ADPGK: variants seen among roughly 807,000 people sequenced by gnomAD.
The protein encoded by ADPGK is ADP-dependent glucokinase.
Under a neutral mutation model 42.4 loss-of-function variants are expected in ADPGK, and 26 were observed. That is an observed-to-expected ratio of 0.61 (90% CI 0.45 to 0.85). The LOEUF is 0.85. Among genes scored for constraint, ADPGK ranks in the 40% least tolerant of loss-of-function variants. ADPGK has a pLI of 0.00. For synonymous variants in ADPGK, 267 were observed against 252.6 expected (o/e 1.06, Z -0.54); for missense variants, 571 against 627.0 (o/e 0.91, Z 0.95).
chr15:72,781,932 G>A (rs1382295091), intron 1 of ADPGK, among the ~76,000 whole-genome samples: 1 of 152,218 alleles, frequency 6.6e-6, no homozygotes, highest in Non-Finnish European at 1.5e-5. Flanking sequence ...CACCAGGAGT[G>A]TACATGCGCA....
chr15:72,772,835 A>C (rs1019302417), intron 2 of ADPGK, among the ~76,000 whole-genome samples: 1 of 152,198 alleles, frequency 6.6e-6, no homozygotes, highest in African/African-American at 2.4e-5. Flanking sequence ...CTGGAGAACA[A>C]ATAATTCAAG....
At position 72,774,995 on chromosome 15, in the gene ADPGK, C is replaced by T. The variant is rs1033815238; in HGVS notation, c.336G>A (p.Arg112=). The change falls in exon 2 of 7, where the codon AGG becomes AGA. Residue 112 remains arginine (R), a synonymous_variant. Transcript: ENST00000456471. The part of the protein sequence containing the change: ...NGKDHSILHS[R]NDLEEAFIHF... ...GAATGAAGGCTTCTTCCAGATCATT[C>T]CTTGAATGCAGAATGCTGTGATCTT... The T allele has an allele frequency of 2.5e-6, 4 of 1,614,176 alleles. No individual in the cohort carries two copies. The highest frequency in any genetic ancestry group is 2.5e-6 in the Non-Finnish European group (3 of 1,180,038).
At chr15:72,761,008 C>G (rs2066185977) in intron 3 of ADPGK, among the ~76,000 whole-genome samples, 1 of 152,024 alleles carries the variant, frequency 6.6e-6, no homozygotes, top group South Asian at 2.1e-4. Context: ...ATCTCTCTCC[C>G]CCCACCGCAT....
At chr15:72,755,514 C>A (rs1481358778) in intron 6 of ADPGK, 42 bp downstream of exon 6, 1 of 1,490,094 alleles carries the variant, frequency 6.7e-7, no homozygotes, top group East Asian at 2.3e-5. Flanking sequence ...CTCTGCAAGG[C>A]TCTATGAGGA....
chr15:72,778,578 A>G lies in ADPGK; in HGVS notation c.234-3481T>C, dbSNP rs541753841. 6.6e-5 allele frequency among the ~76,000 whole-genome samples: 10 copies of G among 152,308 alleles called. No individual in the cohort carries two copies. In the South Asian group the frequency reaches 1.9e-3, roughly 28 times the overall value. On this transcript the variant is annotated intron_variant, in intron 1 of 6. Transcript: ENST00000456471. ...AACAACTAGAAAATAGGTCAAGACA[A>G]CAGATGCTGAATGTCAAAATGGGTT...
intron 3 of ADPGK, among the ~76,000 whole-genome samples, chr15:72,761,283 A>G (rs903648050): frequency 6.6e-6 from 1 of 152,212 alleles, no homozygotes; most frequent in African/African-American, 2.4e-5. Context: ...GTCTGCAACA[A>G]AGCTGCCAGA....
At chr15:72,783,358 G>C in intron 1 of ADPGK, 101 bp downstream of exon 1, 1 of 1,293,102 alleles carries the variant, frequency 7.7e-7, no homozygotes. Context: ...GGACAGCAGC[G>C]CCTCCCGGGG....
chr15:72,760,306 T>A (rs2066175581), intron 4 of ADPGK, 101 bp downstream of exon 4: 5 of 1,392,040 alleles, frequency 3.6e-6, no homozygotes, highest in African/African-American at 2.9e-5. Flanking sequence ...AACAGGATCC[T>A]GCTAATTTAC....
intron 1 of ADPGK, among the ~76,000 whole-genome samples, chr15:72,775,656 T>C (rs1042350706): frequency 6.6e-6 from 1 of 152,194 alleles, no homozygotes; most frequent in Non-Finnish European, 1.5e-5. Context: ...ATGAGGATGG[T>C]AAGATACAAT....
In ADPGK at chr15:72,783,699, C is replaced by A; in HGVS notation, c.-8G>T. The A allele has an allele frequency of 6.8e-7, 1 of 1,466,562 alleles. No homozygotes were observed. The highest frequency in any genetic ancestry group is 1.5e-5 in the African/African-American group (1 of 67,826). The allele number at this position is 1,466,562 out of a possible 1,614,324, so 90.8% of individuals were successfully genotyped here. On this transcript the variant is annotated 5_prime_UTR_variant, in exon 1 of 7. Coordinates refer to ENST00000456471, the MANE Select transcript of ADPGK (RefSeq NM_001365225.1). The stretch of plus-strand genomic sequence containing the variant: ...GCCGCGCCACAGCGCCATGGGGACC[C>A]AGGCGCCGCACCTGCGCGAACCAAC...
chr15:72,765,175 G>T (rs1483584215), intron 3 of ADPGK, among the ~76,000 whole-genome samples: 1 of 151,992 alleles, frequency 6.6e-6, no homozygotes, highest in Non-Finnish European at 1.5e-5. Flanking sequence ...GAGACAGTCT[G>T]GCTCTGTCGC....
chr15:72,783,287 G>GCAGC, intron 1 of ADPGK, 172 bp downstream of exon 1: 1 of 1,262,640 alleles, frequency 7.9e-7, no homozygotes, highest in Non-Finnish European at 1.0e-6. Context: ...AGTGGAAAGA[G>GCAGC]CAGCGGTGAC....
At position 72,783,529 on chromosome 15, in the gene ADPGK, C is replaced by A. The variant is rs1325919503; in HGVS notation, c.163G>T (p.Gly55Cys). 2 of 1,485,620 alleles carry A rather than the reference C, an allele frequency of 1.3e-6. No individual in the cohort carries two copies. Among genetic ancestry groups the A allele is most frequent in the East Asian group, 2.8e-5 (1 of 35,248 alleles). The allele number at this position is 1,485,620 out of a possible 1,614,324, so 92.0% of individuals were successfully genotyped here. ...PAPPGPVSPE[G>C]RLAAAWDALI... is the part of the protein sequence containing the mutation. Reference sequence around the variant, plus strand: ...GCGTCCCAGGCTGCCGCCAACCGGCCCTCGGGGGAGACGGGTCCCGGGGGC... The same window carrying A: ...GCGTCCCAGGCTGCCGCCAACCGGCACTCGGGGGAGACGGGTCCCGGGGGC... Residue 55 changes from glycine to cysteine, a missense_variant, in exon 1 of 7, where the codon GGC (glycine) becomes TGC (cysteine). By Grantham distance (159) the Gly-to-Cys change is radical (BLOSUM62 -3). Around this residue, in one of 2 missense-constraint regions of ADPGK, gnomAD observed 137 missense variants for 104.2 expected, o/e 1.31. Transcript: ENST00000456471.
intron 4 of ADPGK, among the ~76,000 whole-genome samples, chr15:72,759,708 T>G (rs1363783130): frequency 6.6e-6 from 1 of 152,158 alleles, no homozygotes; most frequent in Non-Finnish European, 1.5e-5. Context: ...AATCAGAAAC[T>G]CAAGAGTCTG....
At chr15:72,754,194 G>A (rs2066083800) in intron 6 of ADPGK, among the ~76,000 whole-genome samples, 1 of 151,896 alleles carries the variant, frequency 6.6e-6, no homozygotes, top group Non-Finnish European at 1.5e-5. Context: ...TGTGGAACCT[G>A]CAGATAGGGA....
At chr15:72,764,859 GA>G (rs2066238640) in intron 3 of ADPGK, among the ~76,000 whole-genome samples, 1 of 152,078 alleles carries the variant, frequency 6.6e-6, no homozygotes, top group Admixed American at 6.5e-5. Flanking sequence ...TGACCATTCT[GA>G]AAAATCCTAG....
In ADPGK at chr15:72,774,939, C is replaced by T. The variant is rs754860844; in HGVS notation, c.392G>A (p.Arg131His). ...AAAAGTTTCCTTATCACTGAAGAAG[C>T]GCTCAGCAGCTGCTCCCTTCCCCAT... is the stretch of plus-strand genomic sequence containing the variant. ...HFMGKGAAAE[R>H]FFSDKETFHD... The change falls in exon 2 of 7, where the codon CGC (arginine) becomes CAC (histidine). Residue 131 changes from arginine (R) to histidine (H), a missense_variant. By Grantham distance (29) the Arg-to-His change is conservative. Coordinates refer to ENST00000456471, the MANE Select transcript of ADPGK (RefSeq NM_001365225.1). The T allele has an allele frequency of 1.9e-6, 3 of 1,614,156 alleles. No homozygotes were observed. Among genetic ancestry groups the T allele is most frequent in the Middle Eastern group, 1.6e-4 (1 of 6,062 alleles).
chr15:72,771,941 T>C (rs1399963396), intron 2 of ADPGK, 96 bp from the exon 3 acceptor site: 2 of 1,016,304 alleles, frequency 2.0e-6, no homozygotes, highest in Non-Finnish European at 1.4e-6. Context: ...TTATAGTCCA[T>C]TTCCCAAAAA....
intron 3 of ADPGK, among the ~76,000 whole-genome samples, chr15:72,764,983 G>T (rs2066239981): frequency 7.6e-6 from 1 of 131,816 alleles, no homozygotes. Context: ...CCACTGTTCA[G>T]AACTACTGCT....
Sources: gnomAD v4.1 joint callset for allele counts (sites outside exome capture counted in the v4.1 genomes callset) on GRCh38, gnomAD v4.1.1 for gene constraint, gnomAD v4.1.1 regional missense constraint, MANE v1.5 for transcripts, NCBI Gene and HGNC (gene_info 2026-07-23, HGNC 2026-07-21) for gene names.